Variants in SORCS2 observed in about 807,000 individuals in gnomAD.
The protein encoded by SORCS2 is sortilin related VPS10 domain containing receptor 2.
A neutral mutation model predicts 141.6 loss-of-function variants in SORCS2; 100 were observed. The observed-to-expected ratio is 0.71, with a 90% CI of 0.60 to 0.83. SORCS2 has a LOEUF of 0.83. Among genes scored for constraint, SORCS2 ranks in the 40% least tolerant of loss-of-function variants. The probability of loss-of-function intolerance (pLI) is 0.00; values close to 1 mark genes in which losing one functional copy is unlikely to be tolerated. For synonymous variants in SORCS2, 789 were observed against 676.9 expected, an observed-to-expected ratio of 1.17 and a Z score of -2.57; for missense variants, 1,646 against 1,560.2, an observed-to-expected ratio of 1.05 and a Z score of -0.93.
rs76123033 is a variant in SORCS2 at position 7,576,099 on chromosome 4, A to G, written c.648+44470A>G. Among the ~76,000 whole-genome samples, 850 of 152,334 alleles carry G rather than the reference A, an allele frequency of 5.6e-3. 6 individuals carry two copies. The highest frequency in any genetic ancestry group is 0.019 in the African/African-American group (809 of 41,578). On this transcript the variant is annotated intron_variant, in intron 3 of 26. Coordinates refer to ENST00000507866, the MANE Select transcript of SORCS2 (RefSeq NM_020777.3). ...TGTGTGAGGACGAGGAAGAGCTCCA[A>G]TGGCAGAGTGTTCTTAGAAAGCAGG...
intron 2 of SORCS2, among the ~76,000 whole-genome samples, chr4:7,415,928 T>C (rs1725635901): frequency 6.6e-6 from 1 of 152,224 alleles, no homozygotes; most frequent in Non-Finnish European, 1.5e-5. Flanking sequence ...GAGGAGATGA[T>C]GTCTGAACTG....
intron 1 of SORCS2, among the ~76,000 whole-genome samples, chr4:7,227,800 T>C (rs1489136003): frequency 1.3e-5 from 2 of 152,204 alleles, no homozygotes; most frequent in Non-Finnish European, 2.9e-5. Context: ...GTTTTGTGGC[T>C]GTGGTGCCTG....
intron 17 of SORCS2, among the ~76,000 whole-genome samples, chr4:7,715,856 C>G (rs1726153741): frequency 6.6e-6 from 1 of 152,294 alleles, no homozygotes; most frequent in Non-Finnish European, 1.5e-5. Flanking sequence ...CACTCCTGAC[C>G]CCGAGCCTGC....
chr4:7,672,386 A>C (rs752109180), intron 8 of SORCS2, among the ~76,000 whole-genome samples: 2 of 152,230 alleles, frequency 1.3e-5, no homozygotes, highest in African/African-American at 2.4e-5. Context: ...GATACATTCA[A>C]AGCGCTGAAA....
intron 3 of SORCS2, among the ~76,000 whole-genome samples, chr4:7,532,409 G>A (rs1711738617): frequency 6.6e-6 from 1 of 152,216 alleles, no homozygotes; most frequent in Admixed American, 6.5e-5. Flanking sequence ...CTAGGATCAG[G>A]CACCCAGAGC....
At chr4:7,519,226 C>T (rs989166496) in intron 2 of SORCS2, among the ~76,000 whole-genome samples, 4 of 152,270 alleles carry the variant, frequency 2.6e-5, no homozygotes, top group East Asian at 1.9e-4. Context: ...AGCTCGGCCT[C>T]GTTCACCGTG....
chr4:7,718,574 C>T (rs765089617), intron 18 of SORCS2, among the ~76,000 whole-genome samples: 5 of 152,120 alleles, frequency 3.3e-5, no homozygotes, highest in African/African-American at 4.8e-5. Context: ...AATTTGGGAT[C>T]TTATGAAAAA....
chr4:7,553,389 T>C (rs943714120), intron 3 of SORCS2, among the ~76,000 whole-genome samples: 1 of 152,300 alleles, frequency 6.6e-6, no homozygotes, highest in Admixed American at 6.5e-5. Flanking sequence ...ATTACAAACA[T>C]ATTTTCAGTA....
Position 7,471,607 on chromosome 4 carries a change from G to A in SORCS2, c.549-59923G>A, listed in dbSNP as rs1255070582. 6.6e-5 allele frequency among the ~76,000 whole-genome samples: 10 copies of A among 152,346 alleles called. No individual in the cohort carries two copies. The South Asian group carries it at 1.9e-3, about 28-fold the overall frequency. On this transcript the variant is annotated intron_variant, in intron 2 of 26. Coordinates refer to ENST00000507866, the MANE Select transcript of SORCS2 (RefSeq NM_020777.3). The stretch of plus-strand genomic sequence containing the variant: ...GTTCTCGGTTCCTGGACTCATCAGA[G>A]CAAACTGTCCGGGACACAGGGAGAG...
intron 1 of SORCS2, among the ~76,000 whole-genome samples, chr4:7,251,300 A>G (rs1174710399): frequency 6.6e-6 from 1 of 152,190 alleles, no homozygotes; most frequent in Non-Finnish European, 1.5e-5. Context: ...CTCTGGAGGT[A>G]GTAAGGAGTC....
At chr4:7,293,313 A>T (rs1716740164) in intron 1 of SORCS2, among the ~76,000 whole-genome samples, 1 of 152,044 alleles carries the variant, frequency 6.6e-6, no homozygotes, top group Non-Finnish European at 1.5e-5. Flanking sequence ...AAAAAAAAAA[A>T]AAAAAGAAAT....
intron 1 of SORCS2, among the ~76,000 whole-genome samples, chr4:7,212,037 C>A (rs1728088364): frequency 6.6e-6 from 1 of 152,164 alleles, no homozygotes; most frequent in Admixed American, 6.5e-5. Flanking sequence ...TCCATGGCTG[C>A]CCCACCCCAG....
At position 7,396,373 on chromosome 4, in the gene SORCS2, C is replaced by T. The variant is rs778678690; in HGVS notation, c.548+18C>T. 1 of 1,613,252 alleles carries T rather than the reference C, an allele frequency of 6.2e-7. No individual in the cohort carries two copies. Among genetic ancestry groups the T allele is most frequent in the African/African-American group, 1.3e-5 (1 of 74,930 alleles). On this transcript the variant is annotated intron_variant, in intron 2 of 26. Coordinates refer to ENST00000507866, the MANE Select transcript of SORCS2 (RefSeq NM_020777.3). ...CTGTGGCGGTAAGTCAGCCCGATGG[C>T]AGGCCTTTCTCTTATGCACCTGCGT...
chr4:7,274,577 C>G (rs1222821041), intron 1 of SORCS2, among the ~76,000 whole-genome samples: 1 of 152,098 alleles, frequency 6.6e-6, no homozygotes, highest in Admixed American at 6.5e-5. Context: ...ACAACCAGAT[C>G]GTATGAGAGC....
At position 7,610,330 on chromosome 4, in the gene SORCS2, C is replaced by CT. The variant is rs1284847395; in HGVS notation, c.649-27998_649-27997insT. On this transcript the variant is annotated intron_variant, in intron 3 of 26. Transcript: ENST00000507866. ...GTTAAATGAGGACACTCATGAGGGA[C>CT]GAGGATGTGGGCTGAGCTCCAGAGG... 2.0e-5 allele frequency among the ~76,000 whole-genome samples: 3 copies of CT among 152,224 alleles called. No homozygotes were observed. In the East Asian group the frequency reaches 5.8e-4, roughly 29 times the overall value.
intron 1 of SORCS2, among the ~76,000 whole-genome samples, chr4:7,245,297 T>G (rs1560136774): frequency 6.6e-6 from 1 of 152,218 alleles, no homozygotes; most frequent in Non-Finnish European, 1.5e-5. Context: ...TTGGCTTACC[T>G]GGACCTGGTG....
intron 2 of SORCS2, among the ~76,000 whole-genome samples, chr4:7,487,709 T>G (rs1038494372): frequency 1.3e-5 from 2 of 152,126 alleles, no homozygotes; most frequent in Admixed American, 1.3e-4. Flanking sequence ...GCCGCCTTGG[T>G]GGGACTTGGC....
intron 1 of SORCS2, among the ~76,000 whole-genome samples, chr4:7,375,986 T>G (rs976543919): frequency 6.6e-6 from 1 of 152,192 alleles, no homozygotes. Flanking sequence ...ATGAGGTGAA[T>G]GCTTATAGCT....
intron 1 of SORCS2, among the ~76,000 whole-genome samples, chr4:7,389,522 TC>T (rs1723723385): frequency 6.6e-6 from 1 of 152,186 alleles, no homozygotes; most frequent in African/African-American, 2.4e-5. Context: ...TCTTGGCTTT[TC>T]TGAGTCAGCC....
Sources: gnomAD v4.1 joint callset for allele counts (sites outside exome capture counted in the v4.1 genomes callset) on GRCh38, gnomAD v4.1.1 for gene constraint, MANE v1.5 for transcripts, NCBI Gene and HGNC (gene_info 2026-07-23, HGNC 2026-07-21) for gene names.